PREP: variants seen among roughly 807,000 people sequenced by gnomAD.
PREP encodes the protein prolyl endopeptidase, also known as dJ355L5.1 (prolyl endopeptidase).
PREP carries 29 observed loss-of-function variants against 87.6 expected under a neutral mutation model. The ratio of observed to expected loss-of-function variants is 0.33; its 90% confidence interval spans 0.25 to 0.45. The LOEUF is 0.45. Among genes scored for constraint, PREP ranks in the 20% least tolerant of loss-of-function variants. PREP has a pLI of 1.00. For synonymous variants in PREP, 337 were observed against 328.6 expected (o/e 1.03, Z -0.28); for missense variants, 695 against 886.5 (o/e 0.78, Z 2.74).
chr6:105,347,575 A>T (rs1357767381), intron 7 of PREP, among the ~76,000 whole-genome samples: 1 of 152,218 alleles, frequency 6.6e-6, no homozygotes, highest in Non-Finnish European at 1.5e-5. Flanking sequence ...GCAGAAACTT[A>T]AGTTTTCATG....
At chr6:105,391,862 G>A (rs993758023) in intron 2 of PREP, among the ~76,000 whole-genome samples, 4 of 152,078 alleles carry the variant, frequency 2.6e-5, no homozygotes, top group Non-Finnish European at 5.9e-5. Flanking sequence ...AATTTAGAAA[G>A]GTAAAGTTTA....
At chr6:105,367,091 C>T (rs1177260252) in intron 6 of PREP, among the ~76,000 whole-genome samples, 1 of 152,122 alleles carries the variant, frequency 6.6e-6, no homozygotes, top group Non-Finnish European at 1.5e-5. Flanking sequence ...GTACACTTCA[C>T]TTAAGTACAA....
At chr6:105,364,449 A>G (rs986797587) in intron 6 of PREP, among the ~76,000 whole-genome samples, 17 of 152,336 alleles carry the variant, frequency 1.1e-4, no homozygotes, top group Admixed American at 7.2e-4. Flanking sequence ...GACAGCATCT[A>G]GGATATAAAG....
At chr6:105,330,680 G>A (rs892769298) in intron 8 of PREP, among the ~76,000 whole-genome samples, 1 of 152,112 alleles carries the variant, frequency 6.6e-6, no homozygotes, top group South Asian at 2.1e-4. Context: ...GTGGAAGGGG[G>A]GGGTTCTTGA....
chr6:105,344,209 G>A (rs1468770639), intron 7 of PREP, among the ~76,000 whole-genome samples: 17 of 152,076 alleles, frequency 1.1e-4, no homozygotes, highest in Non-Finnish European at 2.2e-4. Context: ...GGATGAGTTC[G>A]GCTGGGCGCG....
chr6:105,288,983 T>C, intron 10 of PREP, 89 bp from the exon 11 acceptor site: 1 of 1,344,206 alleles, frequency 7.4e-7, no homozygotes, highest in East Asian at 2.3e-5. Context: ...AATTCTCTCT[T>C]CATGATGTAC....
intron 10 of PREP, chr6:105,302,804 C>T (rs1488746792): frequency 2.0e-5 from 9 of 443,132 alleles, no homozygotes; most frequent in Non-Finnish European, 2.2e-5. Context: ...GTGAAGGTCC[C>T]GAGACTTGAT....
chr6:105,281,454 T>G (rs1372245158), intron 14 of PREP: 3 of 265,256 alleles, frequency 1.1e-5, no homozygotes. Flanking sequence ...CAGATGAATA[T>G]CCTGCTCCCT....
intron 7 of PREP, among the ~76,000 whole-genome samples, chr6:105,341,899 T>A (rs1219407787): frequency 6.6e-6 from 1 of 151,842 alleles, no homozygotes; most frequent in Non-Finnish European, 1.5e-5. Context: ...AATAATAGCC[T>A]GCCAACCAAA....
chr6:105,388,443 G>A (rs1209268990), intron 2 of PREP, among the ~76,000 whole-genome samples: 2 of 136,746 alleles, frequency 1.5e-5, no homozygotes, highest in Non-Finnish European at 3.1e-5. Flanking sequence ...TTTGCCGCTT[G>A]CATCAAAAAC....
At chr6:105,365,800 C>G (rs1583085280) in intron 6 of PREP, among the ~76,000 whole-genome samples, 1 of 152,024 alleles carries the variant, frequency 6.6e-6, no homozygotes, top group East Asian at 1.9e-4. Flanking sequence ...TTACAGACTT[C>G]CTCTGCGTAA....
At chr6:105,379,870 G>T (rs886772397) in intron 2 of PREP, among the ~76,000 whole-genome samples, 1 of 152,218 alleles carries the variant, frequency 6.6e-6, no homozygotes, top group Non-Finnish European at 1.5e-5. Flanking sequence ...TTGCAGAATG[G>T]TTGGTTCTAA....
chr6:105,353,074 A>G lies in PREP; in HGVS notation c.721T>C (p.Ser241Pro), dbSNP rs778354201. The G allele has an allele frequency of 8.7e-6, 14 of 1,611,014 alleles. No homozygotes were observed. ...AACAAGACATAGCGGCCATCATCAG[A>G]TAACTAAAAAAGAAAAAAAAATAGT... ...EPKWMGGAEL[S>P]DDGRYVLLSI... The change falls in exon 7 of 15, where the codon TCT becomes CCT. Residue 241 changes from serine to proline, a missense_variant. Ser to Pro is a moderately conservative substitution (Grantham distance 74). Around this residue, in one of 5 missense-constraint regions of PREP, gnomAD observed 517 missense variants for 620.3 expected, o/e 0.83. Coordinates refer to ENST00000652536, the MANE Select transcript of PREP (RefSeq NM_002726.5).
chr6:105,364,508 G>T (rs1370673770), intron 6 of PREP, among the ~76,000 whole-genome samples: 1 of 152,044 alleles, frequency 6.6e-6, no homozygotes, highest in Non-Finnish European at 1.5e-5. Context: ...GGAGGTTGAC[G>T]ACAGCAAGCC....
At chr6:105,319,166 T>A (rs1770944519) in intron 10 of PREP, among the ~76,000 whole-genome samples, 1 of 152,228 alleles carries the variant, frequency 6.6e-6, no homozygotes, top group Non-Finnish European at 1.5e-5. Context: ...TCATATGTAC[T>A]ATAGCAGGTA....
At chr6:105,287,282 T>A (rs1770208055) in intron 11 of PREP, among the ~76,000 whole-genome samples, 1 of 152,154 alleles carries the variant, frequency 6.6e-6, no homozygotes, top group African/African-American at 2.4e-5. Flanking sequence ...TGGGAAGTCC[T>A]CATGTCTGGA....
At chr6:105,331,522 A>T (rs1771335164) in intron 8 of PREP, among the ~76,000 whole-genome samples, 1 of 152,178 alleles carries the variant, frequency 6.6e-6, no homozygotes, top group South Asian at 2.1e-4. Flanking sequence ...GAGCACCTAT[A>T]TGAAGACTTA....
intron 9 of PREP, 90 bp from the exon 10 acceptor site, chr6:105,323,858 A>T: frequency 2.8e-6 from 3 of 1,061,052 alleles, no homozygotes; most frequent in Non-Finnish European, 4.3e-6. Flanking sequence ...AATGCCAGCA[A>T]TGGCAAGAGA....
rs1769911644 is a variant in PREP at position 105,275,303 on chromosome 6, A to G, written c.*2841T>C. Among the ~76,000 whole-genome samples the G allele has an allele frequency of 6.6e-6, 1 of 152,232 alleles. No individual in the cohort carries two copies. The highest frequency in any genetic ancestry group is 2.4e-5 in the African/African-American group (1 of 41,450). On this transcript the variant is annotated 3_prime_UTR_variant, in exon 15 of 15. Coordinates refer to ENST00000652536, the MANE Select transcript of PREP (RefSeq NM_002726.5). ...TCCTTAGTTGAAACTTATCCTTTTC[A>G]AACTTGTAGCACCATGTGTGTGTAG...
Sources: gnomAD v4.1 joint callset for allele counts (sites outside exome capture counted in the v4.1 genomes callset) on GRCh38, gnomAD v4.1.1 for gene constraint, gnomAD v4.1.1 regional missense constraint, MANE v1.5 for transcripts, NCBI Gene and HGNC (gene_info 2026-07-23, HGNC 2026-07-21) for gene names.